Variants in KREMEN1 observed in about 807,000 individuals in gnomAD.
KREMEN1 encodes the protein kremen protein 1.
A neutral mutation model predicts 46.5 loss-of-function variants in KREMEN1; 30 were observed. That is an observed-to-expected ratio of 0.65 (90% CI 0.48 to 0.88). The LOEUF (loss-of-function observed/expected upper bound fraction) is 0.88, where lower values mean the gene tolerates loss of function less well. KREMEN1 is among the 40% of genes least tolerant of loss of function. KREMEN1 has a pLI of 0.00. For synonymous variants in KREMEN1, 214 were observed against 230.6 expected (o/e 0.93, Z 0.65); for missense variants, 533 against 596.9 (o/e 0.89, Z 1.11).
At chr22:29,096,940 A>G (rs528246513) in intron 2 of KREMEN1, among the ~76,000 whole-genome samples, 5 of 152,308 alleles carry the variant, frequency 3.3e-5, no homozygotes, top group Admixed American at 2.6e-4. Context: ...CACATTAGAG[A>G]TGTCTGAGAG....
At chr22:29,151,716 A>C (rs1486938191), downstream of KREMEN1, among the ~76,000 whole-genome samples, 1 of 152,188 alleles carries the variant, frequency 6.6e-6, no homozygotes, top group Non-Finnish European at 1.5e-5. Context: ...AAAATTAAAA[A>C]GTGTAAAAAC....
intron 2 of KREMEN1, among the ~76,000 whole-genome samples, chr22:29,095,308 G>A (rs1486882779): frequency 1.3e-5 from 2 of 152,114 alleles, no homozygotes; most frequent in African/African-American, 4.8e-5. Context: ...GACATCTATG[G>A]TGCTTCAAAA....
chr22:29,095,489 T>TA (rs1488224013), intron 2 of KREMEN1, among the ~76,000 whole-genome samples: 1 of 152,236 alleles, frequency 6.6e-6, no homozygotes, highest in Non-Finnish European at 1.5e-5. Context: ...TAATGAGACT[T>TA]ATGGTTCAGC....
chr22:29,101,864 A>G (rs1220123376), intron 3 of KREMEN1, among the ~76,000 whole-genome samples: 4 of 152,226 alleles, frequency 2.6e-5, no homozygotes, highest in African/African-American at 9.6e-5. Flanking sequence ...CAGTTCTCAG[A>G]GCGAAACCTT....
downstream of KREMEN1, chr22:29,146,927 G>C: frequency 2.7e-6 from 1 of 369,752 alleles, no homozygotes; most frequent in Non-Finnish European, 3.7e-6. Context: ...GCCAGTCCTC[G>C]CCTTTTGCTT....
chr22:29,161,848 G>A (rs963993924), intron 9 of KREMEN1, among the ~76,000 whole-genome samples: 1 of 152,080 alleles, frequency 6.6e-6, no homozygotes, highest in African/African-American at 2.4e-5. Context: ...GCCGGGTGGT[G>A]GCTCATGCTG....
intron 1 of KREMEN1, among the ~76,000 whole-genome samples, chr22:29,074,222 G>A (rs775812208): frequency 6.6e-6 from 1 of 152,252 alleles, no homozygotes; most frequent in Non-Finnish European, 1.5e-5. Flanking sequence ...CGGACGGGAC[G>A]TGCCCTCTCT....
At chr22:29,131,684 A>ATC in intron 5 of KREMEN1, among the ~76,000 whole-genome samples, 1 of 126,668 alleles carries the variant, frequency 7.9e-6, no homozygotes, top group African/African-American at 3.1e-5. Flanking sequence ...ATATGCATAT[A>ATC]TACATGTATA....
At chr22:29,165,954 C>T (rs1170019772) in intron 9 of KREMEN1, among the ~76,000 whole-genome samples, 1 of 152,210 alleles carries the variant, frequency 6.6e-6, no homozygotes, top group Admixed American at 6.5e-5. Context: ...CATTTTGCCC[C>T]AAGATGAGGG....
intron 5 of KREMEN1, among the ~76,000 whole-genome samples, chr22:29,134,814 G>A (rs556237315): frequency 1.3e-5 from 2 of 152,128 alleles, no homozygotes; most frequent in South Asian, 2.1e-4. Context: ...TAGAGTACCC[G>A]TGAGTTTTCC....
At chr22:29,081,477 A>G (rs548141869) in intron 1 of KREMEN1, among the ~76,000 whole-genome samples, 11 of 152,316 alleles carry the variant, frequency 7.2e-5, no homozygotes, top group African/African-American at 9.6e-5. Context: ...CTGAAATTCA[A>G]ATTTAACTGA....
chr22:29,166,770 C>T, intron 9 of KREMEN1, among the ~76,000 whole-genome samples: 1 of 151,914 alleles, frequency 6.6e-6, no homozygotes, highest in Non-Finnish European at 1.5e-5. Flanking sequence ...GAGACCCCAT[C>T]TTTCAAAAAA....
intron 3 of KREMEN1, among the ~76,000 whole-genome samples, chr22:29,113,363 C>T (rs2038181753): frequency 6.6e-6 from 1 of 152,156 alleles, no homozygotes; most frequent in Admixed American, 6.5e-5. Context: ...ATTTTAATAT[C>T]CGGAATCAAA....
chr22:29,139,618 G>T (rs1185149934), intron 7 of KREMEN1, among the ~76,000 whole-genome samples: 1 of 151,698 alleles, frequency 6.6e-6, no homozygotes, highest in African/African-American at 2.4e-5. Context: ...GAAAAGAGTA[G>T]AAAAATTAGC....
At chr22:29,131,558 A>ATGTGTG (rs1458308421) in intron 5 of KREMEN1, among the ~76,000 whole-genome samples, 26 of 59,650 alleles carry the variant, frequency 4.4e-4, no homozygotes, top group East Asian at 2.0e-3. Context: ...ATATATATAT[A>ATGTGTG]TATGTGTGTG....
intron 9 of KREMEN1, among the ~76,000 whole-genome samples, chr22:29,156,979 C>T (rs1408880675): frequency 6.6e-6 from 1 of 152,218 alleles, no homozygotes; most frequent in Admixed American, 6.5e-5. Flanking sequence ...ATCTCTTCTT[C>T]AGACAGGTGT....
chr22:29,126,932 G>A (rs966172866), intron 5 of KREMEN1, among the ~76,000 whole-genome samples: 15 of 152,140 alleles, frequency 9.9e-5, no homozygotes, highest in East Asian at 3.8e-4. Context: ...AATGATTAAC[G>A]AATCTTGCTA....
At chr22:29,089,173 A>G (rs938727885) in intron 1 of KREMEN1, among the ~76,000 whole-genome samples, 2 of 152,164 alleles carry the variant, frequency 1.3e-5, no homozygotes, top group African/African-American at 4.8e-5. Flanking sequence ...CTCCAGACTC[A>G]TGTAGCCATT....
chr22:29,079,743 G>A (rs1027488084), intron 1 of KREMEN1, among the ~76,000 whole-genome samples: 3 of 152,198 alleles, frequency 2.0e-5, no homozygotes, highest in African/African-American at 7.2e-5. Context: ...TTGACTCTGC[G>A]TGGTTTCTTC....
Sources: allele counts gnomAD v4.1 joint callset (sites outside exome capture counted in the v4.1 genomes callset), GRCh38; gene constraint gnomAD v4.1.1; transcripts MANE v1.5; gene names NCBI Gene and HGNC (gene_info 2026-07-23, HGNC 2026-07-21).